Variants in PHF24 observed in about 807,000 individuals in gnomAD.
The protein encoded by PHF24 is Galpha inhibitory interacting protein.
In PHF24, 25 loss-of-function variants were observed where a neutral mutation model predicts 42.6. That is an observed-to-expected ratio of 0.59 (90% CI 0.43 to 0.82). The LOEUF is 0.82. PHF24 is among the 40% of genes least tolerant of loss of function. PHF24 has a pLI of 0.00. For missense variants in PHF24, 470 were observed against 538.1 expected, an observed-to-expected ratio of 0.87 and a Z score of 1.25; for synonymous variants, 185 against 204.8, an observed-to-expected ratio of 0.90 and a Z score of 0.83.
At chr9:34,780,870 A>G in the PHF24 span, among the ~76,000 whole-genome samples, 10 of 152,232 alleles carry the variant, frequency 6.6e-5, no homozygotes, top group African/African-American at 2.4e-4. Flanking sequence ...CAACATCATC[A>G]TTAGTCATTA....
chr9:34,780,434 ACAC>A, the PHF24 span, among the ~76,000 whole-genome samples: 1 of 150,058 alleles, frequency 6.7e-6, no homozygotes, highest in African/African-American at 2.5e-5. Flanking sequence ...GTACAGGAGC[ACAC>A]CACCACACCC....
chr9:34,674,430 C>G, the PHF24 span, among the ~76,000 whole-genome samples: 1 of 152,246 alleles, frequency 6.6e-6, no homozygotes, highest in Non-Finnish European at 1.5e-5. Context: ...GGTAAACTTT[C>G]TGTAAATGTC....
At chr9:34,689,492 CTTT>C in the PHF24 span, 213 of 230,248 alleles carry the variant, frequency 9.3e-4, no homozygotes, top group Middle Eastern at 2.7e-3. The surrounding 1 kb of genome is among the most constrained non-coding windows in gnomAD (Gnocchi z 4.1). Context: ...TGCCAGGTGC[CTTT>C]TTTTTTTTTT....
the PHF24 span, chr9:34,837,202 G>C: frequency 2.0e-5 from 9 of 454,540 alleles, no homozygotes; most frequent in East Asian, 1.4e-4. Flanking sequence ...GAGGTTGGAG[G>C]CCTTTGACTC....
At chr9:34,771,719 C>G in the PHF24 span, among the ~76,000 whole-genome samples, 1 of 152,124 alleles carries the variant, frequency 6.6e-6, no homozygotes, top group Non-Finnish European at 1.5e-5. Context: ...TATAAATAAT[C>G]AGGAGAAAGA....
the PHF24 span, among the ~76,000 whole-genome samples, chr9:34,885,823 T>C: frequency 6.6e-6 from 1 of 151,832 alleles, no homozygotes; most frequent in African/African-American, 2.4e-5. Context: ...TTTGACCACC[T>C]TTCCCTGCCC....
chr9:34,694,777 C>T, the PHF24 span, among the ~76,000 whole-genome samples: 1 of 152,210 alleles, frequency 6.6e-6, no homozygotes, highest in African/African-American at 2.4e-5. Context: ...TCCTCTTGCC[C>T]CTTCAAGCCT....
the PHF24 span, among the ~76,000 whole-genome samples, chr9:34,710,771 G>T: frequency 1.3e-5 from 2 of 152,024 alleles, no homozygotes; most frequent in Non-Finnish European, 2.9e-5. Context: ...ACTACGTCCG[G>T]CTACTGTTTT....
chr9:34,771,264 A>G, the PHF24 span, among the ~76,000 whole-genome samples: 1 of 152,240 alleles, frequency 6.6e-6, no homozygotes, highest in Non-Finnish European at 1.5e-5. Flanking sequence ...GGTATAGCCT[A>G]CTACATGCTG....
chr9:34,750,982 A>G, the PHF24 span, among the ~76,000 whole-genome samples: 2 of 152,188 alleles, frequency 1.3e-5, no homozygotes, highest in African/African-American at 4.8e-5. Flanking sequence ...TTTGTTGCCT[A>G]CAAAAAAACA....
chr9:34,781,564 C>A, the PHF24 span, among the ~76,000 whole-genome samples: 1 of 151,902 alleles, frequency 6.6e-6, no homozygotes, highest in Non-Finnish European at 1.5e-5. Flanking sequence ...CTAACATTAC[C>A]GAATTATACA....
At chr9:34,709,885 C>T in the PHF24 span, 3 of 1,614,198 alleles carry the variant, frequency 1.9e-6, no homozygotes, top group East Asian at 2.2e-5. Context: ...GTCCTGAGCC[C>T]CTCCATCACT....
chr9:34,720,170 C>T, the PHF24 span, among the ~76,000 whole-genome samples: 6 of 152,252 alleles, frequency 3.9e-5, no homozygotes, highest in East Asian at 3.9e-4. Context: ...AAGGGCCAGG[C>T]GCGGTGGCTC....
At chr9:34,685,011 C>T in the PHF24 span, among the ~76,000 whole-genome samples, 1 of 152,126 alleles carries the variant, frequency 6.6e-6, no homozygotes, top group Admixed American at 6.5e-5. Flanking sequence ...CCAACCCTGC[C>T]CTGCCTGCCC....
the PHF24 span, among the ~76,000 whole-genome samples, chr9:34,888,394 T>G: frequency 6.6e-6 from 1 of 152,222 alleles, no homozygotes; most frequent in Admixed American, 6.5e-5. Flanking sequence ...AATTGTTGAA[T>G]GCAAGACTCA....
At chr9:34,834,911 G>T in the PHF24 span, 4 of 1,418,418 alleles carry the variant, frequency 2.8e-6, no homozygotes, top group East Asian at 5.1e-5. Flanking sequence ...ATCCTTCAAG[G>T]GGGGCTTGGG....
rs577476074 is a variant in PHF24 at position 34,974,068 on chromosome 9, C to T, written c.564+1537C>T. On this transcript the variant is annotated intron_variant, in intron 3 of 7. Transcript: ENST00000242315. ...GTCACCTGGCTGAAGTGCAGTGGTGCGATCGTAGCACTGCAGCCTTGAACT... is the reference window on the plus strand; with the variant it reads ...GTCACCTGGCTGAAGTGCAGTGGTGTGATCGTAGCACTGCAGCCTTGAACT... 5.3e-5 allele frequency among the ~76,000 whole-genome samples: 8 copies of T among 152,146 alleles called. No individual in the cohort carries two copies. In the South Asian group the frequency reaches 1.5e-3, roughly 28 times the overall value.
At chr9:34,895,675 G>A in the PHF24 span, 2 of 404,200 alleles carry the variant, frequency 4.9e-6, no homozygotes, top group Non-Finnish European at 8.8e-6. Context: ...ATCCATAGGT[G>A]TATAAGGGAT....
the PHF24 span, among the ~76,000 whole-genome samples, chr9:34,824,228 G>A: frequency 1.3e-5 from 2 of 152,222 alleles, no homozygotes; most frequent in African/African-American, 2.4e-5. Context: ...TATCCGACAA[G>A]GGTCACAGAG....
Sources: allele counts gnomAD v4.1 joint callset (sites outside exome capture counted in the v4.1 genomes callset), GRCh38; gene constraint gnomAD v4.1.1; non-coding constraint Gnocchi (gnomAD v3.1); transcripts MANE v1.5; gene names NCBI Gene and HGNC (gene_info 2026-07-23, HGNC 2026-07-21).